The following SETD3 variants were observed in gnomAD, a reference collection of about 807,000 sequenced individuals.
The protein encoded by SETD3 is actin-histidine N-methyltransferase.
Under a neutral mutation model 63.0 loss-of-function variants are expected in SETD3, and 19 were observed. That is an observed-to-expected ratio of 0.30 (90% CI 0.21 to 0.44). The LOEUF is 0.44. Among genes scored for constraint, SETD3 ranks in the 20% least tolerant of loss-of-function variants. The pLI, the probability that SETD3 is intolerant of heterozygous loss-of-function variation, is 1.00. For synonymous variants in SETD3, 286 were observed against 264.1 expected (o/e 1.08, Z -0.80); for missense variants, 587 against 728.5 (o/e 0.81, Z 2.24).
chr14:99,479,269 T>C (rs1896134128), intron 1 of SETD3, among the ~76,000 whole-genome samples: 1 of 152,232 alleles, frequency 6.6e-6, no homozygotes, highest in South Asian at 2.1e-4. Flanking sequence ...TGTAGCTGTT[T>C]GAGAACTTGG....
chr14:99,406,687 G>T (rs1246624431), intron 8 of SETD3, 97 bp from the exon 9 acceptor site: 2 of 1,211,922 alleles, frequency 1.7e-6, no homozygotes, highest in Non-Finnish European at 2.4e-6. Context: ...GGAAAAAGGG[G>T]ATCCCAAGGT....
intron 11 of SETD3, among the ~76,000 whole-genome samples, chr14:99,403,138 G>A (rs1891472740): frequency 6.6e-6 from 1 of 152,200 alleles, no homozygotes; most frequent in South Asian, 2.1e-4. Context: ...GTTGGTGTGT[G>A]AACTGCCTCT....
upstream of SETD3, among the ~76,000 whole-genome samples, chr14:99,484,233 A>G (rs1896427501): frequency 6.6e-6 from 1 of 152,218 alleles, no homozygotes; most frequent in African/African-American, 2.4e-5. Context: ...TGAATTAGTC[A>G]GGTTGTTTCG....
At chr14:99,484,644 G>A (rs1896438649), upstream of SETD3, among the ~76,000 whole-genome samples, 2 of 152,138 alleles carry the variant, frequency 1.3e-5, no homozygotes, top group African/African-American at 4.8e-5. Context: ...CAGATCTAGG[G>A]GATGAACAGG....
At chr14:99,449,426 T>C (rs1228199762) in intron 6 of SETD3, among the ~76,000 whole-genome samples, 1 of 152,224 alleles carries the variant, frequency 6.6e-6, no homozygotes, top group African/African-American at 2.4e-5. Context: ...GATTCATGTA[T>C]TCCCTGAGAA....
chr14:99,403,487 T>TCA (rs1891512570), intron 11 of SETD3, among the ~76,000 whole-genome samples: 1 of 137,326 alleles, frequency 7.3e-6, no homozygotes, highest in East Asian at 2.0e-4. Context: ...TCTCTCTCTC[T>TCA]CTTTCTCTCT....
chr14:99,464,292 A>G (rs1456260084), intron 2 of SETD3, among the ~76,000 whole-genome samples: 1 of 152,250 alleles, frequency 6.6e-6, no homozygotes, highest in Non-Finnish European at 1.5e-5. Context: ...TGGTTTAGAC[A>G]GCCCCTTCCC....
At chr14:99,425,375 G>A (rs896820409) in intron 6 of SETD3, among the ~76,000 whole-genome samples, 2 of 152,324 alleles carry the variant, frequency 1.3e-5, no homozygotes, top group East Asian at 1.9e-4. Flanking sequence ...GCCTGCCAGC[G>A]GGCACTGGGA....
At chr14:99,421,573 A>G (rs772605365) in intron 6 of SETD3, among the ~76,000 whole-genome samples, 22 of 152,294 alleles carry the variant, frequency 1.4e-4, no homozygotes, top group East Asian at 7.7e-4. Flanking sequence ...AGCTTGGTAT[A>G]TAAGAAAGCT....
chr14:99,404,380 T>G (rs1891563875), intron 10 of SETD3, 70 bp from the exon 11 acceptor site: 3 of 1,362,118 alleles, frequency 2.2e-6, no homozygotes, highest in Non-Finnish European at 3.1e-6. Flanking sequence ...TGAGATTCCT[T>G]AAGTCTACAG....
At chr14:99,486,431 CTCCA>C in the SETD3 span, among the ~76,000 whole-genome samples, 148 of 152,326 alleles carry the variant, frequency 9.7e-4, 1 homozygote, top group African/African-American at 3.4e-3. Flanking sequence ...CTTCTTCACT[CTCCA>C]TCCCTCCATC....
intron 6 of SETD3, among the ~76,000 whole-genome samples, chr14:99,418,700 A>T (rs1395142328): frequency 6.6e-6 from 1 of 152,196 alleles, no homozygotes; most frequent in Non-Finnish European, 1.5e-5. Context: ...AGGCCTATAG[A>T]GACCCCCTTC....
At chr14:99,421,139 CAA>C (rs1277751011) in intron 6 of SETD3, among the ~76,000 whole-genome samples, 1 of 144,970 alleles carries the variant, frequency 6.9e-6, no homozygotes, top group Non-Finnish European at 1.5e-5. Context: ...CTCTGGTCTG[CAA>C]AAAGTCAACT....
At chr14:99,430,158 C>CCCA (rs1893094983) in intron 6 of SETD3, among the ~76,000 whole-genome samples, 1 of 152,202 alleles carries the variant, frequency 6.6e-6, no homozygotes, top group African/African-American at 2.4e-5. Flanking sequence ...AGCACTGGCT[C>CCCA]CCACTGAGGA....
At chr14:99,452,734 G>A (rs1217846390) in intron 6 of SETD3, among the ~76,000 whole-genome samples, 1 of 152,106 alleles carries the variant, frequency 6.6e-6, no homozygotes, top group African/African-American at 2.4e-5. Flanking sequence ...CAAAAACCAG[G>A]ATCACCACCG....
At chr14:99,480,297 G>A (rs1317635957) in intron 1 of SETD3, among the ~76,000 whole-genome samples, 1 of 152,062 alleles carries the variant, frequency 6.6e-6, no homozygotes, top group African/African-American at 2.4e-5. Context: ...GAGCCGAGCC[G>A]ACTAGCGCGA....
intron 1 of SETD3, among the ~76,000 whole-genome samples, chr14:99,469,209 A>G (rs1168518401): frequency 6.6e-6 from 1 of 152,228 alleles, no homozygotes; most frequent in East Asian, 1.9e-4. Flanking sequence ...AAACAGGTGT[A>G]TAATTACAGC....
chr14:99,474,146 C>A (rs982323924), intron 1 of SETD3, among the ~76,000 whole-genome samples: 2 of 151,946 alleles, frequency 1.3e-5, no homozygotes, highest in African/African-American at 4.8e-5. Context: ...CATGATGAGA[C>A]CCCCGCCAGC....
At chr14:99,436,619 A>C (rs2139705514) in intron 6 of SETD3, among the ~76,000 whole-genome samples, 1 of 152,302 alleles carries the variant, frequency 6.6e-6, no homozygotes, top group African/African-American at 2.4e-5. Context: ...GCCTTTTCTT[A>C]ATGCAAATTT....
Sources: gnomAD v4.1 joint callset for allele counts (sites outside exome capture counted in the v4.1 genomes callset) on GRCh38, gnomAD v4.1.1 for gene constraint, MANE v1.5 for transcripts, NCBI Gene and HGNC (gene_info 2026-07-23, HGNC 2026-07-21) for gene names.